FBXW11: variants seen among roughly 807,000 people sequenced by gnomAD.
FBXW11 encodes F-box/WD repeat-containing protein 11.
Under a neutral mutation model 77.6 loss-of-function variants are expected in FBXW11, and 19 were observed. The ratio of observed to expected loss-of-function variants is 0.24; its 90% CI spans 0.17 to 0.36. The LOEUF (loss-of-function observed/expected upper bound fraction) is 0.36, where lower values mean the gene tolerates loss of function less well. Ranked by LOEUF, FBXW11 falls within the 10% of genes least tolerant of loss-of-function variation. The probability of loss-of-function intolerance (pLI) is 1.00; values close to 1 mark genes in which losing one functional copy is unlikely to be tolerated. For synonymous variants in FBXW11, 235 were observed against 249.4 expected (o/e 0.94, Z 0.54); for missense variants, 334 against 704.2 (o/e 0.47, Z 5.95).
chr5:171,878,633 T>TGTG lies in FBXW11; in HGVS notation c.853-505_853-504insCAC, dbSNP rs1758297188. On this transcript the variant is annotated intron_variant, in intron 7 of 13. Coordinates refer to ENST00000517395, the MANE Select transcript of FBXW11 (RefSeq NM_001378974.1). Reference sequence around the variant, plus strand: ...GTGTGTGTGTGTGTGTGTGTGTGTGTTTTAATTAGCCAGGTGTGGTGGTGT... The same window carrying TGTG: ...GTGTGTGTGTGTGTGTGTGTGTGTGTGTGTTTAATTAGCCAGGTGTGGTGGTGT... Among the ~76,000 whole-genome samples, 39 of 148,682 alleles carry TGTG rather than the reference T, an allele frequency of 2.6e-4. 1 individual carries two copies. The highest frequency in any genetic ancestry group is 1.3e-4 in the Non-Finnish European group (9 of 67,150).
intron 1 of FBXW11, among the ~76,000 whole-genome samples, chr5:172,000,116 T>TCTTAACCAACA: frequency 6.6e-6 from 1 of 152,332 alleles, no homozygotes; most frequent in Non-Finnish European, 1.5e-5. Flanking sequence ...ACGAGCACAT[T>TCTTAACCAACA]CTTAACCAAC....
chr5:171,929,987 A>G (rs938438377), intron 2 of FBXW11, among the ~76,000 whole-genome samples: 3 of 152,368 alleles, frequency 2.0e-5, no homozygotes, highest in African/African-American at 7.2e-5. Context: ...GGCACAGAAC[A>G]TAAGTAGAAA....
chr5:171,867,777 T>C (rs1184038363), intron 13 of FBXW11: 2 of 152,236 alleles, frequency 1.3e-5, no homozygotes, highest in Admixed American at 6.5e-5. Context: ...GTAACGATTT[T>C]AAATAAATAC....
chr5:171,928,566 G>A (rs1038735012), intron 2 of FBXW11, among the ~76,000 whole-genome samples: 2 of 152,144 alleles, frequency 1.3e-5, no homozygotes, highest in Non-Finnish European at 2.9e-5. Flanking sequence ...ATAGACCAAC[G>A]GGACAGAATG....
intron 2 of FBXW11, among the ~76,000 whole-genome samples, chr5:171,934,181 T>C (rs190494576): frequency 9.7e-4 from 147 of 152,258 alleles, no homozygotes; most frequent in African/African-American, 3.4e-3. Context: ...CTGATTTAAA[T>C]ATGATCAAAC....
intron 6 of FBXW11, among the ~76,000 whole-genome samples, chr5:171,898,151 G>A (rs776871537): frequency 9.9e-5 from 15 of 152,010 alleles, no homozygotes; most frequent in Non-Finnish European, 1.9e-4. Context: ...AGGGTGGTGG[G>A]GTCTGAAAAA....
At chr5:171,903,185 C>T (rs1309518933) in intron 4 of FBXW11, among the ~76,000 whole-genome samples, 1 of 152,158 alleles carries the variant, frequency 6.6e-6, no homozygotes, top group East Asian at 1.9e-4. Context: ...CCACCTCAAA[C>T]TCCTGGGTTC....
chr5:171,923,248 CT>C (rs1405586843), intron 2 of FBXW11, among the ~76,000 whole-genome samples: 14 of 152,220 alleles, frequency 9.2e-5, no homozygotes, highest in Middle Eastern at 3.4e-3. Context: ...TTTAGTTAGA[CT>C]TTTTCTTACT....
At chr5:171,868,081 T>C (rs576289292) in intron 13 of FBXW11, 1 of 152,340 alleles carries the variant, frequency 6.6e-6, no homozygotes, top group Admixed American at 6.5e-5. Flanking sequence ...TCTCAGTGTA[T>C]CTGTTGTGTT....
intron 7 of FBXW11, among the ~76,000 whole-genome samples, chr5:171,890,285 C>G (rs941702606): frequency 6.6e-6 from 1 of 152,078 alleles, no homozygotes; most frequent in Non-Finnish European, 1.5e-5. Context: ...AATCCCCGCA[C>G]TTTGGGGCAG....
In FBXW11 at chr5:171,869,860, G is replaced by T; in HGVS notation, c.1452-53C>A. On this transcript the variant is annotated intron_variant, in intron 11 of 13. Transcript: ENST00000517395. The surrounding 1 kb of genome is among the most constrained non-coding windows in gnomAD (Gnocchi z 4.1). ...TGGAAAAGTGAACAATTTATATGCT[G>T]TCAAACATTTCCTTGAAAAAAAGTA... The T allele has an allele frequency of 8.1e-7, 1 of 1,238,806 alleles. No individual in the cohort carries two copies. The highest frequency in any genetic ancestry group is 1.1e-6 in the Non-Finnish European group (1 of 870,738). 76.7% of individuals were successfully genotyped at this position (1,238,806 alleles called of 1,614,324 possible). A position where few individuals can be genotyped will look rare whatever the true frequency, so the allele number is the denominator to read the frequency against.
intron 13 of FBXW11, among the ~76,000 whole-genome samples, chr5:171,867,502 A>C (rs867326055): frequency 2.2e-4 from 33 of 152,066 alleles, no homozygotes; most frequent in Admixed American, 4.6e-4. Context: ...AAAAAAAAAA[A>C]AAACGGGTAG....
At chr5:172,002,696 C>CTTTTTTTTTTTTT (rs34300477) in intron 1 of FBXW11, among the ~76,000 whole-genome samples, 183 of 97,044 alleles carry the variant, frequency 1.9e-3, no homozygotes, top group African/African-American at 3.0e-3. Flanking sequence ...TTTTTCTTTT[C>CTTTTTTTTTTTTT]TTTTTTTTTT....
intron 2 of FBXW11, among the ~76,000 whole-genome samples, chr5:171,941,005 G>A (rs1019031042): frequency 6.6e-6 from 1 of 151,958 alleles, no homozygotes; most frequent in East Asian, 1.9e-4. Context: ...GAATAAAATA[G>A]GAAAATATAG....
intron 2 of FBXW11, among the ~76,000 whole-genome samples, chr5:171,931,495 C>G (rs1251811859): frequency 6.6e-6 from 1 of 152,174 alleles, no homozygotes; most frequent in Non-Finnish European, 1.5e-5. Flanking sequence ...TCTAGACACT[C>G]AGCTTACACA....
chr5:172,005,578 G>A (rs1448495674), intron 1 of FBXW11, among the ~76,000 whole-genome samples: 1 of 152,170 alleles, frequency 6.6e-6, no homozygotes, highest in African/African-American at 2.4e-5. Context: ...TCCACGGACC[G>A]GGAGTCTGGC....
At chr5:171,933,130 CAAAAAA>C (rs774171489) in intron 2 of FBXW11, among the ~76,000 whole-genome samples, 2 of 36,800 alleles carry the variant, frequency 5.4e-5, no homozygotes, top group African/African-American at 1.1e-4. Context: ...GACCTTCTCT[CAAAAAA>C]AAAAAAAAAA....
Position 171,957,590 on chromosome 5 carries a change from G to C in FBXW11, c.147+7C>G. The C allele has an allele frequency of 6.2e-7, 1 of 1,611,242 alleles. No homozygotes were observed. The highest frequency in any genetic ancestry group is 1.1e-5 in the South Asian group (1 of 91,010). ...AACACATTTACAACAAGAAAGAAGA[G>C]AGGCACCTGGAGACATCTGACACTG... is the stretch of plus-strand genomic sequence containing the variant. On this transcript the variant is annotated splice_region_variant and intron_variant, in intron 2 of 13. Transcript: ENST00000517395.
At chr5:171,922,437 A>T (rs546974898) in intron 2 of FBXW11, among the ~76,000 whole-genome samples, 56 of 152,346 alleles carry the variant, frequency 3.7e-4, no homozygotes, top group African/African-American at 1.2e-3. Context: ...TGGGAATTAA[A>T]ATCACTAGAA....
Sources: allele counts gnomAD v4.1 joint callset (sites outside exome capture counted in the v4.1 genomes callset), GRCh38; gene constraint gnomAD v4.1.1; non-coding constraint Gnocchi (gnomAD v3.1); transcripts MANE v1.5; gene names NCBI Gene and HGNC (gene_info 2026-07-23, HGNC 2026-07-21).